The following LARGE1 variants were observed in gnomAD, a reference collection of about 807,000 sequenced individuals.
The protein encoded by LARGE1 is xylosyl- and glucuronyltransferase LARGE1.
A neutral mutation model predicts 87.6 loss-of-function variants in LARGE1; 43 were observed. The ratio of observed to expected loss-of-function variants is 0.49; its 90% CI spans 0.38 to 0.63. LARGE1 has a LOEUF of 0.63. Among genes scored for constraint, LARGE1 ranks in the 30% least tolerant of loss-of-function variants. LARGE1 has a pLI of 0.00. For synonymous variants in LARGE1, 434 were observed against 394.6 expected (o/e 1.10, Z -1.18); for missense variants, 802 against 1,000.2 (o/e 0.80, Z 2.67).
At chr22:33,691,024 G>A (rs1319022305) in intron 2 of LARGE1, among the ~76,000 whole-genome samples, 1 of 152,130 alleles carries the variant, frequency 6.6e-6, no homozygotes, top group Admixed American at 6.5e-5. Flanking sequence ...GAGCTGGCAG[G>A]GCACCAGACC....
Position 33,625,029 on chromosome 22 carries a change from T to A in LARGE1, c.491+1215A>T, listed in dbSNP as rs115352457. On this transcript the variant is annotated intron_variant, in intron 4 of 14. Coordinates refer to ENST00000397394, the MANE Select transcript of LARGE1 (RefSeq NM_133642.5). ...GGTAGGTCTTGAAGCCCACCATGGT[T>A]CCCATCTTTGTTTATGCCATTGACA... Among the ~76,000 whole-genome samples, 1,474 of 152,288 alleles carry A rather than the reference T, an allele frequency of 9.7e-3. 22 individuals are homozygous for A. Among genetic ancestry groups the A allele is most frequent in the African/African-American group, 0.034 (1,394 of 41,546 alleles).
At chr22:33,538,702 G>C (rs1456341692) in intron 6 of LARGE1, among the ~76,000 whole-genome samples, 2 of 152,100 alleles carry the variant, frequency 1.3e-5, no homozygotes, top group African/African-American at 4.8e-5. Flanking sequence ...ACCATGCTTG[G>C]CACGGCCACA....
intron 6 of LARGE1, among the ~76,000 whole-genome samples, chr22:33,443,141 T>C (rs544899587): frequency 6.6e-6 from 1 of 152,222 alleles, no homozygotes; most frequent in Admixed American, 6.5e-5. Flanking sequence ...CACCACGAGG[T>C]GGGCAGTGTA....
intron 6 of LARGE1, among the ~76,000 whole-genome samples, chr22:33,547,518 C>T (rs907298151): frequency 2.0e-5 from 3 of 151,958 alleles, no homozygotes; most frequent in Admixed American, 1.3e-4. Context: ...CTTAAAAGCA[C>T]GTTCTCATGG....
Position 33,626,254 on chromosome 22 carries a change from G to C in LARGE1, c.481C>G (p.Leu161Val). The C allele has an allele frequency of 1.2e-6, 2 of 1,613,912 alleles. No homozygotes were observed. The highest frequency in any genetic ancestry group is 1.7e-6 in the Non-Finnish European group (2 of 1,179,776). ...RDVVTLVKSV[L>V]FHRRNPLHFH... ...AGAAGTTGTTCTTACCTATGGAACAGGACGGATTTGACCAGGGTGACGACA... is the reference window on the plus strand; with the variant it reads ...AGAAGTTGTTCTTACCTATGGAACACGACGGATTTGACCAGGGTGACGACA... Residue 161 changes from leucine to valine, a missense_variant, in exon 4 of 15, where the codon CTG becomes GTG. By Grantham distance (32) the Leu-to-Val change is conservative (BLOSUM62 1). Around this residue, in one of 2 missense-constraint regions of LARGE1, gnomAD observed 625 missense variants for 841.9 expected, o/e 0.74. Coordinates refer to ENST00000397394, the MANE Select transcript of LARGE1 (RefSeq NM_133642.5).
Position 33,465,059 on chromosome 22 carries a change from C to A in LARGE1, c.788-32794G>T, listed in dbSNP as rs529955528. Among the ~76,000 whole-genome samples the A allele has an allele frequency of 2.0e-5, 3 of 152,300 alleles. No individual in the cohort carries two copies. The South Asian group carries it at 6.2e-4, about 32-fold the overall frequency. On this transcript the variant is annotated intron_variant, in intron 6 of 14. Coordinates refer to ENST00000397394, the MANE Select transcript of LARGE1 (RefSeq NM_133642.5). ...ATTAGGAATAGCCAAAAATGGCAAACATCCAAATGTCCTATGACAAAAGAA... is the reference window on the plus strand; with the variant it reads ...ATTAGGAATAGCCAAAAATGGCAAAAATCCAAATGTCCTATGACAAAAGAA...
At chr22:33,704,587 C>G (rs1205051540) in intron 2 of LARGE1, among the ~76,000 whole-genome samples, 2 of 152,204 alleles carry the variant, frequency 1.3e-5, no homozygotes, top group African/African-American at 2.4e-5. Context: ...GCACGACACT[C>G]ATCAGTGAGG....
At chr22:33,318,772 G>T (rs1204828319) in intron 10 of LARGE1, among the ~76,000 whole-genome samples, 1 of 151,394 alleles carries the variant, frequency 6.6e-6, no homozygotes, top group Non-Finnish European at 1.5e-5. Flanking sequence ...ATTTGCCAAA[G>T]GTCACAGGAG....
rs149482553 is a variant in LARGE1, at chr22:33,894,842, T to G, written c.-83+25153A>C. 1.7e-4 allele frequency among the ~76,000 whole-genome samples: 26 copies of G among 152,202 alleles called. No homozygotes were observed. The East Asian group carries it at 4.6e-3, about 27-fold the overall frequency. ...ACAATGAGAATCATGAATCAAGCAT[T>G]TGACATTCAGGAGGTGCTCAAAAAA... On this transcript the variant is annotated intron_variant, in intron 1 of 14. Coordinates refer to ENST00000397394, the MANE Select transcript of LARGE1 (RefSeq NM_133642.5).
intron 11 of LARGE1, among the ~76,000 whole-genome samples, chr22:33,310,301 G>A (rs924082176): frequency 1.3e-5 from 2 of 152,228 alleles, no homozygotes; most frequent in Non-Finnish European, 1.5e-5. Flanking sequence ...ATGAGGCCCC[G>A]CAACTGTAGT....
At chr22:33,257,800 T>C (rs1299623742) in intron 11 of LARGE1, among the ~76,000 whole-genome samples, 16 of 152,122 alleles carry the variant, frequency 1.1e-4, no homozygotes. Context: ...CAAATATCTA[T>C]TTAGGACCTA....
intron 5 of LARGE1, among the ~76,000 whole-genome samples, chr22:33,589,491 A>AATATTTTCATTAATTTAAATTAATG (rs2078775336): frequency 6.6e-6 from 1 of 152,050 alleles, no homozygotes; most frequent in Non-Finnish European, 1.5e-5. Flanking sequence ...TTAATTAATT[A>AATATTTTCATTAATTTAAATTAATG]AAAATTAATA....
At chr22:33,735,056 C>A (rs778901984) in intron 2 of LARGE1, among the ~76,000 whole-genome samples, 71 of 152,122 alleles carry the variant, frequency 4.7e-4, no homozygotes, top group Non-Finnish European at 9.4e-4. Flanking sequence ...AGAAACAGAA[C>A]AAAAGCTCTC....
chr22:33,629,969 C>T (rs1024593786), intron 3 of LARGE1, among the ~76,000 whole-genome samples: 6 of 151,998 alleles, frequency 3.9e-5, no homozygotes, highest in Non-Finnish European at 7.4e-5. Flanking sequence ...GAGGCCGAGG[C>T]GGCGGATCAC....
At chr22:33,236,491 C>A (rs1926257853) in intron 11 of LARGE1, among the ~76,000 whole-genome samples, 1 of 152,172 alleles carries the variant, frequency 6.6e-6, no homozygotes, top group African/African-American at 2.4e-5. Context: ...CTCCCAAAAT[C>A]TTCTTTGGGA....
intron 6 of LARGE1, among the ~76,000 whole-genome samples, chr22:33,454,633 A>AAAAG (rs1177745624): frequency 2.8e-4 from 42 of 150,670 alleles, no homozygotes; most frequent in Middle Eastern, 3.4e-3. Context: ...AAAAAAAAAA[A>AAAAG]AAGAAGAAGA....
chr22:33,812,701 T>A (rs1379119744), intron 1 of LARGE1, among the ~76,000 whole-genome samples: 2 of 152,232 alleles, frequency 1.3e-5, no homozygotes, highest in Non-Finnish European at 2.9e-5. Flanking sequence ...TTTGTGTGGA[T>A]ATTTCATTCC....
intron 1 of LARGE1, among the ~76,000 whole-genome samples, chr22:33,893,243 GT>G (rs1296341844): frequency 6.6e-6 from 1 of 152,134 alleles, no homozygotes; most frequent in East Asian, 1.9e-4. Context: ...AAAAGGGTAG[GT>G]AAAACAAAAT....
At chr22:33,235,422 A>G (rs900566150) in intron 11 of LARGE1, among the ~76,000 whole-genome samples, 3 of 152,226 alleles carry the variant, frequency 2.0e-5, no homozygotes, top group Non-Finnish European at 4.4e-5. Flanking sequence ...AGTCATTTGG[A>G]CAAAAGGAAG....
Sources: allele counts gnomAD v4.1 joint callset (sites outside exome capture counted in the v4.1 genomes callset), GRCh38; gene constraint gnomAD v4.1.1; regional missense constraint gnomAD v4.1.1; transcripts MANE v1.5; gene names NCBI Gene and HGNC (gene_info 2026-07-23, HGNC 2026-07-21).